The following LRRC7 variants were observed in gnomAD, a reference collection of about 807,000 sequenced individuals.
The protein encoded by LRRC7 is leucine rich repeat containing 7, also known as leucine-rich repeat-containing protein 7.
In LRRC7, 23 loss-of-function variants were observed where a neutral mutation model predicts 175.7. The ratio of observed to expected loss-of-function variants is 0.13; its 90% confidence interval spans 0.09 to 0.19. LRRC7 has a LOEUF of 0.19. Among genes scored for constraint, LRRC7 ranks in the 10% least tolerant of loss-of-function variants. LRRC7 has a pLI of 1.00. For missense variants in LRRC7, 1,354 were observed against 1,904.7 expected (o/e 0.71, Z 5.38); for synonymous variants, 685 against 680.9 (o/e 1.01, Z -0.09).
chr1:69,648,275 A>G lies in LRRC7; in HGVS notation c.3-30106A>G, dbSNP rs1390377612. Among the ~76,000 whole-genome samples, 9 of 152,252 alleles carry G rather than the reference A, an allele frequency of 5.9e-5. No homozygotes were observed. The East Asian group carries it at 1.7e-3, about 29-fold the overall frequency. On this transcript the variant is annotated intron_variant, in intron 1 of 26. Transcript: ENST00000651989. Reference sequence around the variant, plus strand: ...CATAAATTAACTATTATTAATTTGTATGAAAATAATACTCGAGGTGTTATG... The same window carrying G: ...CATAAATTAACTATTATTAATTTGTGTGAAAATAATACTCGAGGTGTTATG...
At chr1:69,763,599 G>T (rs964371234) in intron 3 of LRRC7, among the ~76,000 whole-genome samples, 5 of 151,930 alleles carry the variant, frequency 3.3e-5, no homozygotes, top group African/African-American at 1.2e-4. Context: ...GGAAGGGGTG[G>T]AAAGGGTAAA....
intron 1 of LRRC7, among the ~76,000 whole-genome samples, chr1:69,598,541 A>G (rs1211644116): frequency 2.0e-5 from 3 of 152,130 alleles, no homozygotes; most frequent in Non-Finnish European, 1.5e-5. Context: ...GGGGAAGTCA[A>G]TCATTTTCTA....
intron 8 of LRRC7, among the ~76,000 whole-genome samples, chr1:69,965,447 G>C (rs542231154): frequency 6.6e-6 from 1 of 151,948 alleles, no homozygotes; most frequent in African/African-American, 2.4e-5. Flanking sequence ...ATATTCATAA[G>C]GGCTTATGGC....
At chr1:69,726,487 G>A (rs72941410) in intron 2 of LRRC7, among the ~76,000 whole-genome samples, 4,032 of 152,240 alleles carry the variant, frequency 0.026, 183 homozygotes, top group African/African-American at 0.091. Context: ...GATTGAGGGA[G>A]ATTATGGAAG....
intron 1 of LRRC7, among the ~76,000 whole-genome samples, chr1:69,659,427 T>C (rs1461129211): frequency 7.5e-6 from 1 of 133,802 alleles, no homozygotes; most frequent in Non-Finnish European, 1.6e-5. Flanking sequence ...ATCCAAAAAA[T>C]AAAACCAGTA....
At chr1:69,697,203 C>A (rs2100681440) in intron 2 of LRRC7, among the ~76,000 whole-genome samples, 1 of 152,220 alleles carries the variant, frequency 6.6e-6, no homozygotes, top group South Asian at 2.1e-4. Flanking sequence ...TTTCCCACTT[C>A]TTCCGTTCTA....
intron 7 of LRRC7, among the ~76,000 whole-genome samples, chr1:69,909,675 C>T (rs1320964486): frequency 2.0e-5 from 3 of 152,046 alleles, no homozygotes; most frequent in Non-Finnish European, 4.4e-5. Context: ...TGAGGGTAAC[C>T]CGACCTTTCT....
rs1570616426 is a variant in LRRC7 at position 69,911,076 on chromosome 1, C to A, written c.648-20431C>A. Among the ~76,000 whole-genome samples the A allele has an allele frequency of 2.0e-5, 3 of 152,302 alleles. No individual in the cohort carries two copies. In the East Asian group the frequency reaches 5.8e-4, roughly 29 times the overall value. On this transcript the variant is annotated intron_variant, in intron 7 of 26. Coordinates refer to ENST00000651989, the MANE Select transcript of LRRC7 (RefSeq NM_001370785.2). The stretch of plus-strand genomic sequence containing the variant: ...AAGCACAGTATTAGGGTGGGAGTGA[C>A]CTGATTTTCCAGGTGCCGTCTGTCA...
At chr1:69,886,578 C>T (rs929837664) in intron 7 of LRRC7, among the ~76,000 whole-genome samples, 11 of 150,710 alleles carry the variant, frequency 7.3e-5, no homozygotes, top group African/African-American at 2.4e-4. Context: ...TCCAATTTGC[C>T]AGTCTGTGTC....
chr1:69,977,302 A>G (rs766878819), intron 8 of LRRC7, among the ~76,000 whole-genome samples: 1 of 152,110 alleles, frequency 6.6e-6, no homozygotes, highest in African/African-American at 2.4e-5. Flanking sequence ...ATCTGCCAAA[A>G]TCACTTCCCA....
chr1:70,108,495 T>G (rs1430926276), intron 26 of LRRC7, among the ~76,000 whole-genome samples: 1 of 152,228 alleles, frequency 6.6e-6, no homozygotes, highest in East Asian at 1.9e-4. Flanking sequence ...TTCTTATCAG[T>G]GATTTGAAGC....
rs146824964 is a variant in LRRC7 at position 69,948,453 on chromosome 1, A to G, written c.711+16883A>G. On this transcript the variant is annotated intron_variant, in intron 8 of 26. Coordinates refer to ENST00000651989, the MANE Select transcript of LRRC7 (RefSeq NM_001370785.2). ...CTGTAAAGTAATTATATTTTACACA[A>G]TTCTATTTCCTCCAGTGGATTTTCC... Among the ~76,000 whole-genome samples, 807 of 152,168 alleles carry G rather than the reference A, an allele frequency of 5.3e-3. 5 individuals carry two copies. Among genetic ancestry groups the G allele is most frequent in the Middle Eastern group, 0.024 (7 of 294 alleles).
chr1:69,733,917 T>C (rs910043080), intron 2 of LRRC7, among the ~76,000 whole-genome samples: 1 of 152,036 alleles, frequency 6.6e-6, no homozygotes, highest in African/African-American at 2.4e-5. Context: ...ACTCAGCTAG[T>C]GTTAGTGTCT....
At chr1:70,108,095 AAT>A (rs1175307723) in intron 26 of LRRC7, among the ~76,000 whole-genome samples, 1 of 149,616 alleles carries the variant, frequency 6.7e-6, no homozygotes, top group East Asian at 1.9e-4. Flanking sequence ...TAATATAAGA[AAT>A]ATATATATTA....
intron 4 of LRRC7, among the ~76,000 whole-genome samples, chr1:69,797,488 A>G (rs1457610726): frequency 6.6e-6 from 1 of 152,156 alleles, no homozygotes; most frequent in Non-Finnish European, 1.5e-5. Context: ...TAATGTTACT[A>G]TGATCTACTC....
intron 8 of LRRC7, among the ~76,000 whole-genome samples, chr1:69,953,692 C>T (rs1443069481): frequency 1.3e-5 from 2 of 152,002 alleles, no homozygotes; most frequent in African/African-American, 4.8e-5. Flanking sequence ...ACCAACTGCA[C>T]TAACTAGGAT....
intron 7 of LRRC7, among the ~76,000 whole-genome samples, chr1:69,899,019 C>T (rs1347454465): frequency 1.3e-5 from 2 of 152,154 alleles, no homozygotes; most frequent in African/African-American, 4.8e-5. Flanking sequence ...TGGGGATTAT[C>T]ACTTTGGGAT....
intron 6 of LRRC7, among the ~76,000 whole-genome samples, chr1:69,835,243 A>G (rs985487720): frequency 1.5e-4 from 23 of 152,036 alleles, no homozygotes; most frequent in South Asian, 1.0e-3. Flanking sequence ...GATGACCTAA[A>G]TACTTTTAAC....
intron 1 of LRRC7, among the ~76,000 whole-genome samples, chr1:69,613,152 G>A (rs1478031945): frequency 6.6e-6 from 1 of 152,088 alleles, no homozygotes; most frequent in African/African-American, 2.4e-5. Context: ...ATTTCTCACA[G>A]TTCCAGAACA....
Sources: gnomAD v4.1 joint callset for allele counts (sites outside exome capture counted in the v4.1 genomes callset) on GRCh38, gnomAD v4.1.1 for gene constraint, MANE v1.5 for transcripts, NCBI Gene and HGNC (gene_info 2026-07-23, HGNC 2026-07-21) for gene names.